Variants in RNASEH2B observed in about 807,000 individuals in gnomAD.
The protein encoded by RNASEH2B is Aicardi-Goutieres syndrome 2 protein.
In RNASEH2B, 36 loss-of-function variants were observed where a neutral mutation model predicts 45.0. The observed-to-expected ratio is 0.80, with a 90% CI of 0.61 to 1.06. The LOEUF is 1.06. Among genes scored for constraint, RNASEH2B ranks in the 50% least tolerant of loss-of-function variants. The pLI is 0.00. For synonymous variants in RNASEH2B, 119 were observed against 125.7 expected, an observed-to-expected ratio of 0.95 and a Z score of 0.35; for missense variants, 361 against 360.3, an observed-to-expected ratio of 1.00 and a Z score of -0.02.
At chr13:50,934,071 G>C (rs1951714848) in intron 4 of RNASEH2B, 1 of 152,238 alleles carries the variant, frequency 6.6e-6, no homozygotes, top group Non-Finnish European at 1.5e-5. Context: ...GGTAGAGCGA[G>C]CTAGAAGTGG....
intron 1 of RNASEH2B, among the ~76,000 whole-genome samples, chr13:50,923,405 CAAAG>C (rs1951549830): frequency 1.3e-5 from 2 of 151,986 alleles, no homozygotes; most frequent in Non-Finnish European, 2.9e-5. Flanking sequence ...TGTGAAAAGA[CAAAG>C]AGAATCTTGA....
chr13:50,961,504 G>A (rs1265496676), downstream of RNASEH2B, among the ~76,000 whole-genome samples: 1 of 152,122 alleles, frequency 6.6e-6, no homozygotes, highest in Non-Finnish European at 1.5e-5. Flanking sequence ...GCTGACTTGT[G>A]TATCTTTTGG....
At chr13:50,942,921 A>G (rs1951850841) in intron 5 of RNASEH2B, 1 of 182,660 alleles carries the variant, frequency 5.5e-6, no homozygotes, top group African/African-American at 2.4e-5. Context: ...TCAGCCTTCC[A>G]CTGAATACAC....
chr13:50,953,143 T>C (rs1351119308), intron 9 of RNASEH2B: 1 of 152,220 alleles, frequency 6.6e-6, no homozygotes, highest in Non-Finnish European at 1.5e-5. Flanking sequence ...ACAGCAAGAC[T>C]TGTCTTCCCT....
chr13:50,969,340 C>T (rs568459689), intron 9 of RNASEH2B, among the ~76,000 whole-genome samples: 9 of 151,924 alleles, frequency 5.9e-5, no homozygotes, highest in African/African-American at 1.9e-4. Flanking sequence ...CTCCAGAATA[C>T]GTTATTTTTA....
chr13:50,910,191 G>A, intron 1 of RNASEH2B, 51 bp downstream of exon 1: 3 of 1,278,374 alleles, frequency 2.3e-6, no homozygotes, highest in Non-Finnish European at 2.0e-6. Flanking sequence ...TGGCGGAGCG[G>A]CCCGCGACCC....
intron 9 of RNASEH2B, among the ~76,000 whole-genome samples, chr13:50,963,953 T>G (rs1190167089): frequency 6.6e-6 from 1 of 152,200 alleles, no homozygotes; most frequent in Non-Finnish European, 1.5e-5. Context: ...ATCCCAGCAC[T>G]TTGGGAGGCC....
intron 2 of RNASEH2B, among the ~76,000 whole-genome samples, chr13:50,929,221 A>G (rs1951644642): frequency 6.6e-6 from 1 of 152,206 alleles, no homozygotes; most frequent in Non-Finnish European, 1.5e-5. Flanking sequence ...CAGGCTTTGT[A>G]TTAGTTAAGA....
At position 50,956,516 on chromosome 13, in the gene RNASEH2B, A is replaced by G; in HGVS notation, c.*42A>G. 4 of 1,568,880 alleles carry G rather than the reference A, an allele frequency of 2.5e-6. No individual in the cohort carries two copies. Among genetic ancestry groups the G allele is most frequent in the Non-Finnish European group, 3.5e-6 (4 of 1,153,382 alleles). On this transcript the variant is annotated 3_prime_UTR_variant, in exon 11 of 11. Coordinates refer to ENST00000336617, the MANE Select transcript of RNASEH2B (RefSeq NM_024570.4). ...TCTAGCAAAAATATTTGCTTTTTAC[A>G]TGTTTCAGTTTGTCCTTCCTGACTG...
At chr13:50,954,111 T>G in intron 10 of RNASEH2B, 126 bp downstream of exon 10, 1 of 713,476 alleles carries the variant, frequency 1.4e-6, no homozygotes, top group Non-Finnish European at 2.6e-6. Context: ...TTAACTTGCA[T>G]TTCTGTGACT....
At chr13:50,910,275 C>G in intron 1 of RNASEH2B, 135 bp downstream of exon 1, 1 of 549,760 alleles carries the variant, frequency 1.8e-6, no homozygotes, top group Middle Eastern at 5.2e-4. Flanking sequence ...TCTGGGACAG[C>G]TGGCCCCGCA....
chr13:50,929,679 G>C, intron 3 of RNASEH2B, 97 bp downstream of exon 3: 1 of 784,452 alleles, frequency 1.3e-6, no homozygotes, highest in Non-Finnish European at 2.2e-6. Context: ...CGGGTTTGGA[G>C]TCTGGTCACT....
At chr13:50,932,717 A>G (rs991329734) in intron 4 of RNASEH2B, among the ~76,000 whole-genome samples, 8 of 152,208 alleles carry the variant, frequency 5.3e-5, no homozygotes, top group Non-Finnish European at 4.4e-5. Context: ...GTGTCACTCA[A>G]ACAGCTTAGA....
At chr13:50,943,642 G>A (rs369249082) in intron 6 of RNASEH2B, among the ~76,000 whole-genome samples, 35 of 152,232 alleles carry the variant, frequency 2.3e-4, no homozygotes, top group Admixed American at 6.5e-4. Context: ...CTCCTACTAC[G>A]GAATGAAATA....
chr13:50,912,623 T>G (rs1566072635), intron 1 of RNASEH2B: 1 of 152,214 alleles, frequency 6.6e-6, no homozygotes, highest in African/African-American at 2.4e-5. Context: ...TAGTTACCCA[T>G]TCGGGAGTTG....
At chr13:50,937,523 A>G (rs915925987) in intron 5 of RNASEH2B, 9 of 152,266 alleles carry the variant, frequency 5.9e-5, no homozygotes, top group African/African-American at 2.2e-4. Context: ...CACCATGCCC[A>G]TTCTCAAAAA....
intron 1 of RNASEH2B, 97 bp downstream of exon 1, chr13:50,910,237 A>T (rs1879280798): frequency 1.2e-6 from 1 of 816,498 alleles, no homozygotes; most frequent in Non-Finnish European, 1.7e-6. Context: ...GGCTCCCACT[A>T]CCCGGCCCGG....
At chr13:50,916,091 G>T (rs1879728435) in intron 1 of RNASEH2B, among the ~76,000 whole-genome samples, 1 of 150,708 alleles carries the variant, frequency 6.6e-6, no homozygotes, top group African/African-American at 2.4e-5. Flanking sequence ...AGTAATATGG[G>T]GAAAAAAATA....
chr13:50,922,278 G>GGA (rs1951533760), intron 1 of RNASEH2B, among the ~76,000 whole-genome samples: 1 of 152,152 alleles, frequency 6.6e-6, no homozygotes, highest in African/African-American at 2.4e-5. Flanking sequence ...TCCATAAGAG[G>GGA]CTTTTAAAAA....
Sources: allele counts gnomAD v4.1 joint callset (sites outside exome capture counted in the v4.1 genomes callset), GRCh38; gene constraint gnomAD v4.1.1; transcripts MANE v1.5; gene names NCBI Gene and HGNC (gene_info 2026-07-23, HGNC 2026-07-21).